Variants in CENPP observed in about 807,000 individuals in gnomAD.
CENPP encodes centromere protein P.
Under a neutral mutation model 35.6 loss-of-function variants are expected in CENPP, and 24 were observed. The observed-to-expected ratio is 0.67, with a 90% confidence interval of 0.49 to 0.95. The LOEUF is 0.95. Ranked by LOEUF, CENPP falls within the 40% of genes least tolerant of loss-of-function variation. CENPP has a pLI of 0.00. For synonymous variants in CENPP, 120 were observed against 125.5 expected, an observed-to-expected ratio of 0.96 and a Z score of 0.29; for missense variants, 332 against 345.3, an observed-to-expected ratio of 0.96 and a Z score of 0.31.
intron 5 of CENPP, among the ~76,000 whole-genome samples, chr9:92,433,870 T>C (rs1160999966): frequency 1.3e-5 from 2 of 151,884 alleles, no homozygotes; most frequent in Non-Finnish European, 2.9e-5. Flanking sequence ...AGGCAGAGGT[T>C]GCAGGTGAGC....
rs565810963 is a variant in CENPP, at chr9:92,466,491, A to G, written c.564+86632A>G. Reference sequence around the variant, plus strand: ...TTTCACTTAGTTGATTGTGGGACAGATACAGCCTTCGCAACTTCTTTGTGG... The same window carrying G: ...TTTCACTTAGTTGATTGTGGGACAGGTACAGCCTTCGCAACTTCTTTGTGG... On this transcript the variant is annotated intron_variant, in intron 5 of 7. Coordinates refer to ENST00000375587, the MANE Select transcript of CENPP (RefSeq NM_001012267.3). 5.0e-6 allele frequency: 8 copies of G among 1,613,852 alleles called. No homozygotes were observed. The South Asian group carries it at 8.8e-5, about 18-fold the overall frequency.
At chr9:92,369,685 T>G (rs772058972) in intron 4 of CENPP, among the ~76,000 whole-genome samples, 2 of 152,232 alleles carry the variant, frequency 1.3e-5, no homozygotes, top group African/African-American at 2.4e-5. Context: ...ACATTGATTT[T>G]GTCCCGCAAC....
At chr9:92,496,140 G>C in intron 5 of CENPP, 1 of 1,284,246 alleles carries the variant, frequency 7.8e-7, no homozygotes, top group Admixed American at 4.2e-5. Context: ...AAAACTCCTA[G>C]AGACTATACC....
At chr9:92,377,826 A>G (rs1029833457) in intron 4 of CENPP, among the ~76,000 whole-genome samples, 4 of 152,160 alleles carry the variant, frequency 2.6e-5, no homozygotes, top group African/African-American at 9.7e-5. Flanking sequence ...TGAATTCTGG[A>G]AATTATTCTA....
chr9:92,581,949 A>G (rs1564010889), intron 5 of CENPP, among the ~76,000 whole-genome samples: 1 of 152,214 alleles, frequency 6.6e-6, no homozygotes. Flanking sequence ...ATGAGTATAG[A>G]TGATAAAATG....
At chr9:92,517,662 A>G in intron 5 of CENPP, 4 of 1,613,588 alleles carry the variant, frequency 2.5e-6, no homozygotes, top group Non-Finnish European at 3.4e-6. Flanking sequence ...ACACACTGAT[A>G]TTTTGCTTAG....
chr9:92,413,525 G>A (rs1349146039), intron 5 of CENPP, among the ~76,000 whole-genome samples: 1 of 151,896 alleles, frequency 6.6e-6, no homozygotes, highest in African/African-American at 2.4e-5. Flanking sequence ...TCTTATCTTT[G>A]TTTTCTAAAA....
chr9:92,514,431 C>T (rs781310323), intron 5 of CENPP, among the ~76,000 whole-genome samples: 3 of 151,982 alleles, frequency 2.0e-5, no homozygotes, highest in East Asian at 1.9e-4. Context: ...TGCCCCACCA[C>T]GCCCGGCTAA....
chr9:92,359,681 A>C (rs1355606920), intron 4 of CENPP, among the ~76,000 whole-genome samples: 1 of 152,178 alleles, frequency 6.6e-6, no homozygotes, highest in East Asian at 1.9e-4. Flanking sequence ...GGTTTTCAAA[A>C]GTGTGGGGAT....
At chr9:92,460,451 GT>G in intron 5 of CENPP, 1 of 1,442,882 alleles carries the variant, frequency 6.9e-7, no homozygotes, top group Non-Finnish European at 9.7e-7. Flanking sequence ...ATCATTCTAA[GT>G]TAAAATTTTG....
At chr9:92,600,649 G>A (rs929710036) in intron 5 of CENPP, 1 of 1,430,720 alleles carries the variant, frequency 7.0e-7, no homozygotes, top group Middle Eastern at 2.5e-4. Context: ...ATCCCTTCTG[G>A]TGGGGGTTGT....
intron 5 of CENPP, among the ~76,000 whole-genome samples, chr9:92,475,833 G>A (rs1173510601): frequency 1.3e-5 from 2 of 151,964 alleles, no homozygotes; most frequent in Non-Finnish European, 2.9e-5. Context: ...CACTGAGTTC[G>A]GTTTGCTTGT....
intron 5 of CENPP, among the ~76,000 whole-genome samples, chr9:92,419,991 T>C (rs1843736377): frequency 6.6e-6 from 1 of 152,182 alleles, no homozygotes; most frequent in African/African-American, 2.4e-5. Flanking sequence ...AAATTATAAA[T>C]GTAACTATTG....
chr9:92,517,608 A>G, intron 5 of CENPP: 2 of 1,568,164 alleles, frequency 1.3e-6, no homozygotes, highest in Non-Finnish European at 1.7e-6. Context: ...CATAATTTTA[A>G]TCTAAAATTA....
At chr9:92,519,085 A>G (rs1274285252) in intron 5 of CENPP, among the ~76,000 whole-genome samples, 1 of 152,088 alleles carries the variant, frequency 6.6e-6, no homozygotes, top group Non-Finnish European at 1.5e-5. Context: ...ACTGTCCCCA[A>G]GTTCCACCCC....
intron 5 of CENPP, among the ~76,000 whole-genome samples, chr9:92,388,276 C>T (rs1465459240): frequency 6.6e-6 from 1 of 151,642 alleles, no homozygotes; most frequent in Admixed American, 6.6e-5. Flanking sequence ...ATTCTTGTGC[C>T]TCAGCCTCCT....
intron 5 of CENPP, among the ~76,000 whole-genome samples, chr9:92,604,969 T>C (rs1342393970): frequency 6.6e-6 from 1 of 152,130 alleles, no homozygotes; most frequent in Non-Finnish European, 1.5e-5. Flanking sequence ...TCAGAAGTTT[T>C]ACAGTTTTAG....
chr9:92,432,582 C>G (rs1306570011), intron 5 of CENPP, among the ~76,000 whole-genome samples: 1 of 152,124 alleles, frequency 6.6e-6, no homozygotes, highest in Non-Finnish European at 1.5e-5. Context: ...GGTATAAAAG[C>G]CAGCACACAA....
chr9:92,390,094 A>C, intron 5 of CENPP: 1 of 1,218,556 alleles, frequency 8.2e-7, no homozygotes, highest in Non-Finnish European at 1.2e-6. Flanking sequence ...CTACGTAAGT[A>C]AAATTCTTAT....
Sources: gnomAD v4.1 joint callset for allele counts (sites outside exome capture counted in the v4.1 genomes callset) on GRCh38, gnomAD v4.1.1 for gene constraint, MANE v1.5 for transcripts, NCBI Gene and HGNC (gene_info 2026-07-23, HGNC 2026-07-21) for gene names.